Variants in PPP4R1 observed in about 807,000 individuals in gnomAD.
The protein encoded by PPP4R1 is protein phosphatase 4 regulatory subunit 1, also known as serine/threonine-protein phosphatase 4 regulatory subunit 1.
Under a neutral mutation model 111.2 loss-of-function variants are expected in PPP4R1, and 42 were observed. The observed-to-expected ratio is 0.38, with a 90% confidence interval of 0.29 to 0.49. PPP4R1 has a LOEUF of 0.49. Among genes scored for constraint, PPP4R1 ranks in the 20% least tolerant of loss-of-function variants. The pLI is 0.97. For synonymous variants in PPP4R1, 409 were observed against 405.5 expected (o/e 1.01, Z -0.10); for missense variants, 1,012 against 1,161.6 (o/e 0.87, Z 1.87).
At chr18:9,601,023 C>T (rs2067372843) in intron 2 of PPP4R1, among the ~76,000 whole-genome samples, 1 of 152,100 alleles carries the variant, frequency 6.6e-6, no homozygotes, top group Admixed American at 6.5e-5. Flanking sequence ...CTAAAGTTTA[C>T]AGATTCTTGA....
chr18:9,594,949 C>T, intron 3 of PPP4R1, 69 bp downstream of exon 3: 1 of 1,542,966 alleles, frequency 6.5e-7, no homozygotes, highest in African/African-American at 1.4e-5. Context: ...TGGATACTTT[C>T]ATTTTCCCTA....
intron 2 of PPP4R1, among the ~76,000 whole-genome samples, chr18:9,607,829 C>A (rs796092325): frequency 2.1e-5 from 3 of 144,964 alleles, no homozygotes; most frequent in African/African-American, 7.8e-5. Context: ...GTTGCCCAGG[C>A]TGGAGTGCAA....
At chr18:9,583,391 G>A in intron 8 of PPP4R1, 116 bp from the exon 9 acceptor site, 1 of 1,095,500 alleles carries the variant, frequency 9.1e-7, no homozygotes, top group Non-Finnish European at 1.2e-6. Flanking sequence ...TTTTGAGACA[G>A]AGTCTCACTC....
At chr18:9,565,185 T>C (rs2066745933) in intron 11 of PPP4R1, among the ~76,000 whole-genome samples, 2 of 152,342 alleles carry the variant, frequency 1.3e-5, no homozygotes, top group South Asian at 4.1e-4. Context: ...TGATCTGTGA[T>C]CAGTGATCTT....
At position 9,588,665 on chromosome 18, in the gene PPP4R1, T is replaced by C. The variant is rs746381128; in HGVS notation, c.438+46A>G. The C allele has an allele frequency of 3.3e-6, 5 of 1,514,742 alleles. No homozygotes were observed. In the South Asian group the frequency reaches 6.1e-5, roughly 18 times the overall value. 93.8% of individuals were successfully genotyped at this position (1,514,742 alleles called of 1,614,324 possible). Reference sequence around the variant, plus strand: ...TTAGGCTCGGCTATTCTCCATATATTACACTACGTAAATTTCTTTTAAGAA... The same window carrying C: ...TTAGGCTCGGCTATTCTCCATATATCACACTACGTAAATTTCTTTTAAGAA... On this transcript the variant is annotated intron_variant, in intron 5 of 19. Coordinates refer to ENST00000400556, the MANE Select transcript of PPP4R1 (RefSeq NM_001042388.3).
Position 9,549,323 on chromosome 18 carries a change from C to T in PPP4R1, c.2563G>A (p.Asp855Asn), listed in dbSNP as rs563768863. 1.8e-5 allele frequency: 29 copies of T among 1,608,174 alleles called. No homozygotes were observed. The African/African-American group carries it at 3.6e-4, about 20-fold the overall frequency. Residue 855 changes from aspartate to asparagine, a missense_variant, in exon 19 of 20, where the codon GAC becomes AAC. Transcript: ENST00000400556. Reference sequence around the variant, plus strand: ...GCAAACTGGTCCATGGGAAGGCAGTCATCCTCAATGACAGTCTGGGGAAGA... The same window carrying T: ...GCAAACTGGTCCATGGGAAGGCAGTTATCCTCAATGACAGTCTGGGGAAGA... ...VFVCQTVIED[D>N]CLPMDQFAVH...
intron 13 of PPP4R1, among the ~76,000 whole-genome samples, chr18:9,561,661 G>C (rs1166930314): frequency 6.6e-6 from 1 of 152,156 alleles, no homozygotes; most frequent in Non-Finnish European, 1.5e-5. Context: ...TAGGTAGGAT[G>C]GGATGACCAC....
chr18:9,551,816 T>A (rs1292011968), intron 16 of PPP4R1: 1 of 152,124 alleles, frequency 6.6e-6, no homozygotes, highest in Non-Finnish European at 1.5e-5. Flanking sequence ...GGGGTGCAGG[T>A]ACCGCTAAAC....
At chr18:9,608,474 A>G (rs1238957059) in intron 2 of PPP4R1, among the ~76,000 whole-genome samples, 1 of 152,236 alleles carries the variant, frequency 6.6e-6, no homozygotes, top group African/African-American at 2.4e-5. Context: ...GTCTAGGGAG[A>G]TAAGAAGCTA....
intron 14 of PPP4R1, among the ~76,000 whole-genome samples, chr18:9,558,714 T>TTTTA (rs772821340): frequency 6.6e-6 from 1 of 150,774 alleles, no homozygotes; most frequent in African/African-American, 2.5e-5. Flanking sequence ...TTTTTTTTTT[T>TTTTA]AAATAACTGA....
chr18:9,610,028 C>A (rs2067550967), intron 2 of PPP4R1, among the ~76,000 whole-genome samples: 1 of 152,204 alleles, frequency 6.6e-6, no homozygotes, highest in South Asian at 2.1e-4. Flanking sequence ...CTAAGCGTTA[C>A]ATAGCCATTC....
At chr18:9,573,896 GATT>G (rs1319832914) in intron 10 of PPP4R1, among the ~76,000 whole-genome samples, 1 of 152,158 alleles carries the variant, frequency 6.6e-6, no homozygotes, top group Non-Finnish European at 1.5e-5. Flanking sequence ...CTCTTAGAAT[GATT>G]TTTTTAAAAG....
intron 16 of PPP4R1, among the ~76,000 whole-genome samples, chr18:9,552,748 C>T (rs558614528): frequency 2.0e-5 from 3 of 152,302 alleles, no homozygotes; most frequent in African/African-American, 4.8e-5. Context: ...ACACCCCCAA[C>T]CCAAATGTTC....
chr18:9,557,545 AG>A (rs1184027213), intron 14 of PPP4R1, among the ~76,000 whole-genome samples, 163 bp from the exon 15 acceptor site: 1 of 152,264 alleles, frequency 6.6e-6, no homozygotes, highest in Non-Finnish European at 1.5e-5. Flanking sequence ...TGCATCGAAA[AG>A]TGTAACAGAA....
Position 9,567,219 on chromosome 18 carries a change from T to TC in PPP4R1, c.1573+2937dup, listed in dbSNP as rs377529025. 2.2e-3 allele frequency among the ~76,000 whole-genome samples: 342 copies of TC among 152,252 alleles called. 1 individual carries two copies. Among genetic ancestry groups the TC allele is most frequent in the African/African-American group, 8.1e-3 (337 of 41,536 alleles). On this transcript the variant is annotated intron_variant, in intron 11 of 19. Coordinates refer to ENST00000400556, the MANE Select transcript of PPP4R1 (RefSeq NM_001042388.3). ...GTATGGAAGAAGGTAATTTCAACCCTCATAAATGACTGAAGGATTCAAGAC... is the reference window on the plus strand; with the variant it reads ...GTATGGAAGAAGGTAATTTCAACCCTCCATAAATGACTGAAGGATTCAAGAC...
intron 2 of PPP4R1, among the ~76,000 whole-genome samples, chr18:9,606,778 T>G (rs926450390): frequency 6.6e-6 from 1 of 152,128 alleles, no homozygotes; most frequent in African/African-American, 2.4e-5. Context: ...ACCAAGATTA[T>G]GTATACAAAC....
intron 15 of PPP4R1, among the ~76,000 whole-genome samples, chr18:9,553,841 G>GA (rs1232803462): frequency 2.6e-5 from 4 of 151,764 alleles, no homozygotes; most frequent in Non-Finnish European, 4.4e-5. Flanking sequence ...TTTGTTGAGA[G>GA]AAAAAAAATA....
chr18:9,607,134 G>T (rs1385985015), intron 2 of PPP4R1, among the ~76,000 whole-genome samples: 2 of 152,160 alleles, frequency 1.3e-5, no homozygotes, highest in Non-Finnish European at 2.9e-5. Context: ...CAAGACAGGT[G>T]GATTGCTTGA....
intron 11 of PPP4R1, among the ~76,000 whole-genome samples, chr18:9,569,368 G>C (rs532813687): frequency 1.3e-3 from 205 of 152,202 alleles, no homozygotes; most frequent in African/African-American, 4.8e-3. Flanking sequence ...CCTCCCCCAC[G>C]CCCGAGACAG....
Sources: gnomAD v4.1 joint callset for allele counts (sites outside exome capture counted in the v4.1 genomes callset) on GRCh38, gnomAD v4.1.1 for gene constraint, MANE v1.5 for transcripts, NCBI Gene and HGNC (gene_info 2026-07-23, HGNC 2026-07-21) for gene names.